NSD2: variants seen among roughly 807,000 people sequenced by gnomAD.
The protein encoded by NSD2 is histone-lysine N-methyltransferase NSD2.
Under a neutral mutation model 139.0 loss-of-function variants are expected in NSD2, and 12 were observed. The ratio of observed to expected loss-of-function variants is 0.09; its 90% CI spans 0.06 to 0.14. The LOEUF (loss-of-function observed/expected upper bound fraction) is 0.14. Among genes scored for constraint, NSD2 ranks in the 10% least tolerant of loss-of-function variants. The probability of loss-of-function intolerance (pLI) is 1.00; values close to 1 mark genes in which losing one functional copy is unlikely to be tolerated. For missense variants in NSD2, 1,155 were observed against 1,745.0 expected (o/e 0.66, Z 6.02); for synonymous variants, 669 against 648.7 (o/e 1.03, Z -0.48).
rs182554255 is a variant in NSD2 at position 1,881,283 on chromosome 4, C to T, written c.-30+9741C>T. On this transcript the variant is annotated intron_variant, in intron 1 of 21. Transcript: ENST00000508803. ...TGTTTTTGTTTCTGTTTTTTTGAGA[C>T]GGAGTCTTGCTTTCCATCACACAGG... Among the ~76,000 whole-genome samples, 22 of 152,178 alleles carry T rather than the reference C, an allele frequency of 1.4e-4. No homozygotes were observed. In the East Asian group the frequency reaches 1.7e-3, roughly 12 times the overall value.
chr4:1,907,138 AG>A (rs950178845), intron 3 of NSD2, among the ~76,000 whole-genome samples: 50 of 152,270 alleles, frequency 3.3e-4, no homozygotes, highest in African/African-American at 1.2e-3. Flanking sequence ...GCTAAGCTTC[AG>A]TTTCCCTGTA....
chr4:1,952,379 CA>C, intron 11 of NSD2, 148 bp downstream of exon 11: 1 of 1,251,874 alleles, frequency 8.0e-7, no homozygotes, highest in Non-Finnish European at 1.1e-6. Flanking sequence ...TTGTAGCCCA[CA>C]GCTGGCAGGT....
chr4:1,894,520 A>G (rs1715984228), intron 1 of NSD2, among the ~76,000 whole-genome samples: 1 of 152,018 alleles, frequency 6.6e-6, no homozygotes, highest in South Asian at 2.1e-4. Flanking sequence ...AAAAAATACA[A>G]AAATTAGCCA....
chr4:1,980,236 T>C lies in NSD2; in HGVS notation c.*1327T>C, dbSNP rs982450673. The C allele has an allele frequency of 6.4e-5, 15 of 233,032 alleles. No individual in the cohort carries two copies. Among genetic ancestry groups the C allele is most frequent in the Admixed American group, 1.7e-4 (3 of 17,782 alleles). The allele number at this position is 233,032 out of a possible 1,614,324, so 14.4% of individuals were successfully genotyped here. A position where few individuals can be genotyped will look rare whatever the true frequency, so the allele number is the denominator to read the frequency against. On this transcript the variant is annotated 3_prime_UTR_variant, in exon 22 of 22. Transcript: ENST00000508803. ...GTCCAGTTCTACAGAGTGAGACCTA[T>C]CTATCTGAGTACTACATATGTTTTA...
rs777212429 is a variant in NSD2 at position 1,900,696 on chromosome 4, T to C, written c.42T>C (p.Ser14=). The part of the protein sequence containing the change: ...SIKQSPLSVQ[S]VVKCIKMKQA... ...AGCAGAGTCCCCTTTCTGTTCAGAGTGTTGTAAAGTGCATAAAGATGAAGC... is the reference window on the plus strand; with the variant it reads ...AGCAGAGTCCCCTTTCTGTTCAGAGCGTTGTAAAGTGCATAAAGATGAAGC... The change falls in exon 2 of 22, where the codon AGT becomes AGC. Residue 14 remains serine (S), a synonymous_variant. Coordinates refer to ENST00000508803, the MANE Select transcript of NSD2 (RefSeq NM_001042424.3). The C allele has an allele frequency of 4.3e-6, 7 of 1,609,878 alleles. No homozygotes were observed. The highest frequency in any genetic ancestry group is 5.9e-6 in the Non-Finnish European group (7 of 1,178,070).
At chr4:1,962,115 C>G (rs1255661126) in intron 18 of NSD2, among the ~76,000 whole-genome samples, 1 of 152,236 alleles carries the variant, frequency 6.6e-6, no homozygotes, top group Admixed American at 6.5e-5. Flanking sequence ...GGAACCTTGT[C>G]AGGTGGCCCC....
intron 15 of NSD2, among the ~76,000 whole-genome samples, chr4:1,957,287 T>TA (rs1724922015): frequency 6.6e-6 from 1 of 150,726 alleles, no homozygotes; most frequent in Non-Finnish European, 1.5e-5. Context: ...TTTTTGTTTT[T>TA]GTTTTTTTTT....
chr4:1,947,873 T>C (rs1723798799), intron 9 of NSD2: 36 of 1,054,460 alleles, frequency 3.4e-5, no homozygotes, highest in Non-Finnish European at 4.1e-5. Context: ...TCAATGTGTA[T>C]GACGCCACTC....
intron 12 of NSD2, among the ~76,000 whole-genome samples, chr4:1,954,105 C>A (rs1479041716): frequency 2.0e-5 from 3 of 152,056 alleles, no homozygotes; most frequent in Non-Finnish European, 4.4e-5. Context: ...CCTGCCTCAT[C>A]CCTTCAGTAG....
intron 6 of NSD2, among the ~76,000 whole-genome samples, chr4:1,931,788 A>G (rs1721666057): frequency 6.6e-6 from 1 of 152,220 alleles, no homozygotes; most frequent in Non-Finnish European, 1.5e-5. Context: ...AATTTAGAAT[A>G]GCAAGGATAT....
Position 1,948,299 on chromosome 4 carries a change from G to C in NSD2, c.1882-2773G>C. ...TTTTCCTTTCCAAATGCATCTCGTT[G>C]GATATGGAATAGATCGTAGATGTTG... is the stretch of plus-strand genomic sequence containing the variant. On this transcript the variant is annotated intron_variant, in intron 9 of 21. Transcript: ENST00000508803. The surrounding 1 kb of genome is among the most constrained non-coding windows in gnomAD (Gnocchi z 4.5). The C allele has an allele frequency of 9.4e-7, 1 of 1,065,642 alleles. No homozygotes were observed. The highest frequency in any genetic ancestry group is 1.1e-6 in the Non-Finnish European group (1 of 878,538). 66.0% of individuals were successfully genotyped at this position (1,065,642 alleles called of 1,614,324 possible).
intron 18 of NSD2, among the ~76,000 whole-genome samples, chr4:1,962,761 C>T (rs1725498511): frequency 6.6e-6 from 1 of 152,290 alleles, no homozygotes; most frequent in African/African-American, 2.4e-5. Flanking sequence ...GCCTCGATCT[C>T]CTGGGCCTAA....
intron 1 of NSD2, among the ~76,000 whole-genome samples, chr4:1,879,125 T>A (rs918237919): frequency 4.6e-5 from 7 of 152,252 alleles, no homozygotes; most frequent in Non-Finnish European, 8.8e-5. Flanking sequence ...CCCTAGATCT[T>A]GAGCATGGCA....
intron 9 of NSD2, chr4:1,943,792 A>G (rs140719721): frequency 4.9e-5 from 52 of 1,061,826 alleles, no homozygotes; most frequent in Admixed American, 1.1e-4. Flanking sequence ...CTCTGGTTCA[A>G]TAAGCAGTCA....
chr4:1,978,057 A>C, intron 21 of NSD2, among the ~76,000 whole-genome samples: 1 of 148,314 alleles, frequency 6.7e-6, no homozygotes, highest in East Asian at 2.1e-4. Context: ...AACCCAAGAG[A>C]CGGAGGCTGC....
chr4:1,953,995 T>G (rs989985019), intron 12 of NSD2, among the ~76,000 whole-genome samples: 20 of 151,648 alleles, frequency 1.3e-4, no homozygotes, highest in Admixed American at 4.6e-4. Context: ...AAATTTTTTT[T>G]TTTTTGGAGA....
intron 3 of NSD2, among the ~76,000 whole-genome samples, chr4:1,911,061 C>T (rs897926598): frequency 6.6e-6 from 1 of 152,106 alleles, no homozygotes. Context: ...ATTTTGCATG[C>T]ATGGAACTTA....
intron 1 of NSD2, chr4:1,893,710 A>G (rs1397388438): frequency 6.6e-6 from 1 of 151,844 alleles, no homozygotes; most frequent in Non-Finnish European, 1.5e-5. Flanking sequence ...CACCCAGCTG[A>G]TTTTTGTATT....
At chr4:1,926,584 C>A (rs951882277) in intron 5 of NSD2, among the ~76,000 whole-genome samples, 1 of 151,892 alleles carries the variant, frequency 6.6e-6, no homozygotes, top group Non-Finnish European at 1.5e-5. Context: ...GATCCTCCCC[C>A]CTCAGCCTTC....
Sources: gnomAD v4.1 joint callset for allele counts (sites outside exome capture counted in the v4.1 genomes callset) on GRCh38, gnomAD v4.1.1 for gene constraint, Gnocchi (gnomAD v3.1) non-coding constraint, MANE v1.5 for transcripts, NCBI Gene and HGNC (gene_info 2026-07-23, HGNC 2026-07-21) for gene names.